XXYLT1: variants seen among roughly 807,000 people sequenced by gnomAD.
XXYLT1 encodes the protein xyloside xylosyltransferase 1, also known as UDP-xylose:alpha-xyloside alpha-1,3-xylosyltransferase.
Under a neutral mutation model 28.9 loss-of-function variants are expected in XXYLT1, and 20 were observed. That is an observed-to-expected ratio of 0.69 (90% confidence interval 0.49 to 1.00). XXYLT1 has a LOEUF of 1.00. Among genes scored for constraint, XXYLT1 ranks in the 50% least tolerant of loss-of-function variants. The pLI is 0.00. For missense variants in XXYLT1, 542 were observed against 560.1 expected (o/e 0.97, Z 0.33); for synonymous variants, 257 against 253.8 (o/e 1.01, Z -0.12).
intron 2 of XXYLT1, among the ~76,000 whole-genome samples, chr3:195,221,089 A>C (rs1271569236): frequency 1.3e-5 from 2 of 152,146 alleles, no homozygotes; most frequent in Non-Finnish European, 2.9e-5. Context: ...ATAACCTCCC[A>C]AAAACCCGTA....
intron 3 of XXYLT1, among the ~76,000 whole-genome samples, chr3:195,075,186 A>C (rs575556621): frequency 6.6e-6 from 1 of 152,354 alleles, no homozygotes; most frequent in South Asian, 2.1e-4. Context: ...CGGGAGGCAG[A>C]GGTTGCAGTG....
In XXYLT1 at chr3:195,243,663, C is replaced by T. The variant is rs553777049; in HGVS notation, c.505-16807G>A. Among the ~76,000 whole-genome samples the T allele has an allele frequency of 2.4e-4, 36 of 152,228 alleles. 1 individual carries two copies. The highest frequency in any genetic ancestry group is 1.7e-3 in the South Asian group (8 of 4,820). On this transcript the variant is annotated intron_variant, in intron 1 of 3. Coordinates refer to ENST00000310380, the MANE Select transcript of XXYLT1 (RefSeq NM_152531.5). ...AGACACTATCAGTGGCTGCCTGTTG[C>T]CCCCACCAATAACTTGAGCTCACTT... is the stretch of plus-strand genomic sequence containing the variant.
chr3:195,095,283 A>C (rs1332867533), intron 3 of XXYLT1: 1 of 153,748 alleles, frequency 6.5e-6, no homozygotes, highest in African/African-American at 2.4e-5. Flanking sequence ...CTCTTGCTCC[A>C]GTCTTCTCCC....
chr3:195,253,483 G>A (rs1460002587), intron 1 of XXYLT1, among the ~76,000 whole-genome samples: 4 of 150,422 alleles, frequency 2.7e-5, no homozygotes, highest in African/African-American at 9.8e-5. Flanking sequence ...ATCTTCAACT[G>A]CTCACATTTC....
intron 2 of XXYLT1, chr3:195,175,518 C>T: frequency 1.3e-6 from 2 of 1,481,906 alleles, no homozygotes; most frequent in Non-Finnish European, 1.8e-6. Context: ...GACTTTGCTG[C>T]ACCCATGGGC....
intron 2 of XXYLT1, among the ~76,000 whole-genome samples, chr3:195,207,659 A>C (rs1469600756): frequency 6.6e-6 from 1 of 152,080 alleles, no homozygotes; most frequent in Admixed American, 6.5e-5. Context: ...TTAACCCAAA[A>C]CTTAGCAGCT....
intron 3 of XXYLT1, among the ~76,000 whole-genome samples, chr3:195,143,504 A>G (rs936141338): frequency 3.8e-4 from 58 of 152,142 alleles, no homozygotes; most frequent in African/African-American, 1.4e-3. Flanking sequence ...CTGGGCCCAC[A>G]TTCACACAAA....
chr3:195,175,389 G>A (rs370358538), intron 2 of XXYLT1, among the ~76,000 whole-genome samples: 12 of 152,220 alleles, frequency 7.9e-5, no homozygotes, highest in African/African-American at 2.2e-4. Context: ...GGGGGAATGC[G>A]GACAGAAGGG....
chr3:195,147,292 G>A (rs1719906218), intron 3 of XXYLT1, among the ~76,000 whole-genome samples: 1 of 152,156 alleles, frequency 6.6e-6, no homozygotes, highest in African/African-American at 2.4e-5. Context: ...AGAATAGGCT[G>A]GGCATGGTGA....
At chr3:195,094,410 G>C (rs556964769) in intron 3 of XXYLT1, among the ~76,000 whole-genome samples, 1 of 152,106 alleles carries the variant, frequency 6.6e-6, no homozygotes, top group South Asian at 2.1e-4. Context: ...CTGCCCACAC[G>C]CATGCAGGCC....
rs569474233 is a variant in XXYLT1, at chr3:195,102,793, C to T, written c.786-32682G>A. Among the ~76,000 whole-genome samples, 20 of 152,274 alleles carry T rather than the reference C, an allele frequency of 1.3e-4. No homozygotes were observed. In the South Asian group the frequency reaches 1.4e-3, roughly 11 times the overall value. On this transcript the variant is annotated intron_variant, in intron 3 of 3. Transcript: ENST00000310380. ...GAGCACGGGAGAGCAGTTATCTTTA[C>T]GAGGTAGTGATTTCATTTCCTTTGG... is the stretch of plus-strand genomic sequence containing the variant.
chr3:195,098,742 G>A (rs567075068), intron 3 of XXYLT1, among the ~76,000 whole-genome samples: 25 of 152,274 alleles, frequency 1.6e-4, no homozygotes, highest in African/African-American at 5.8e-4. Flanking sequence ...TTTTCCTATG[G>A]GTTCTGACAG....
chr3:195,107,810 A>T (rs4079351), intron 3 of XXYLT1, among the ~76,000 whole-genome samples: 104,845 of 150,972 alleles, frequency 0.69, 36,736 homozygotes, highest in Middle Eastern at 0.73. Context: ...CATGAGGCCA[A>T]CTTGGTAGAG....
intron 3 of XXYLT1, among the ~76,000 whole-genome samples, chr3:195,107,516 A>G (rs187766513): frequency 0.022 from 559 of 25,112 alleles, 54 homozygotes; most frequent in African/African-American, 0.07. Context: ...GAAGAAGAAG[A>G]AGGAGGAGGA....
At chr3:195,247,688 G>A in intron 1 of XXYLT1, 1 of 614,842 alleles carries the variant, frequency 1.6e-6, no homozygotes, top group Non-Finnish European at 3.0e-6. Flanking sequence ...AGGCTCAGCT[G>A]CTGTATTAGC....
At position 195,256,693 on chromosome 3, in the gene XXYLT1, A is replaced by C; in HGVS notation, c.504+13862T>G. ...GAGCCGGAGCGTCCCCACTCCTCTT[A>C]TGATGAGAAACTGAGGCAAAGACAT... On this transcript the variant is annotated intron_variant, in intron 1 of 3. Transcript: ENST00000310380. This position sits in a 1 kb window ranked among gnomAD's most constrained non-coding sequence, Gnocchi z 4.2. 2 of 556,712 alleles carry C rather than the reference A, an allele frequency of 3.6e-6. No homozygotes were observed. The highest frequency in any genetic ancestry group is 4.6e-6 in the Non-Finnish European group (2 of 438,266). 34.5% of individuals were successfully genotyped at this position (556,712 alleles called of 1,614,324 possible). A position where few individuals can be genotyped will look rare whatever the true frequency, so the allele number is the denominator to read the frequency against.
At chr3:195,106,668 C>G (rs1043822684) in intron 3 of XXYLT1, among the ~76,000 whole-genome samples, 1 of 152,232 alleles carries the variant, frequency 6.6e-6, no homozygotes, top group African/African-American at 2.4e-5. Context: ...GCCTGGGGCG[C>G]CCCCAGCAAA....
chr3:195,157,334 A>G (rs750470), intron 2 of XXYLT1, among the ~76,000 whole-genome samples: 40,488 of 151,668 alleles, frequency 0.27, 6,081 homozygotes, highest in East Asian at 0.68. Flanking sequence ...AGAGAGAAGT[A>G]AAAAACATTA....
rs1023929016 is a variant in XXYLT1 at position 195,076,701 on chromosome 3, G to A, written c.786-6590C>T. On this transcript the variant is annotated intron_variant, in intron 3 of 3. Coordinates refer to ENST00000310380, the MANE Select transcript of XXYLT1 (RefSeq NM_152531.5). The surrounding 1 kb of genome is among the most constrained non-coding windows in gnomAD (Gnocchi z 5.3). The stretch of plus-strand genomic sequence containing the variant: ...GGCTAGGAGGGAGGGTCTGTTCCAG[G>A]CGCTCCCCTCGCTCCTGGTGGCTTG... Among the ~76,000 whole-genome samples the A allele has an allele frequency of 6.6e-6, 1 of 152,180 alleles. No individual in the cohort carries two copies. The highest frequency in any genetic ancestry group is 2.4e-5 in the African/African-American group (1 of 41,446).
Sources: allele counts gnomAD v4.1 joint callset (sites outside exome capture counted in the v4.1 genomes callset), GRCh38; gene constraint gnomAD v4.1.1; non-coding constraint Gnocchi (gnomAD v3.1); transcripts MANE v1.5; gene names NCBI Gene and HGNC (gene_info 2026-07-23, HGNC 2026-07-21).